Variants in TBC1D7 observed in about 807,000 individuals in gnomAD.
The protein encoded by TBC1D7 is TBC1 domain family member 7, also known as TBC domain family 7.
In TBC1D7, 33 loss-of-function variants were observed where a neutral mutation model predicts 35.3. That is an observed-to-expected ratio of 0.93 (90% CI 0.71 to 1.25). The LOEUF (loss-of-function observed/expected upper bound fraction) is 1.25, where lower values mean the gene tolerates loss of function less well. TBC1D7 is among the 50% of genes most tolerant of loss of function. The probability of loss-of-function intolerance (pLI) is 0.00; values close to 1 mark genes in which losing one functional copy is unlikely to be tolerated. For synonymous variants in TBC1D7, 135 were observed against 129.5 expected (o/e 1.04, Z -0.29); for missense variants, 362 against 365.3 (o/e 0.99, Z 0.07).
Position 13,328,470 on chromosome 6 carries a change from C to G in TBC1D7, c.-183G>C, listed in dbSNP as rs1441697843. On this transcript the variant is annotated 5_prime_UTR_variant, in exon 1 of 8. Transcript: ENST00000379300. ...CGGCGGGGTACCTGGGACACCCGCG[C>G]GCGCCCAGACGGCCCGGGAGACAAA... The G allele has an allele frequency of 6.7e-6, 1 of 150,304 alleles. No individual in the cohort carries two copies. Among genetic ancestry groups the G allele is most frequent in the Non-Finnish European group, 1.5e-5 (1 of 66,410 alleles). 9.3% of individuals were successfully genotyped at this position (150,304 alleles called of 1,614,324 possible).
chr6:13,317,864 G>A (rs1240881481), intron 4 of TBC1D7, among the ~76,000 whole-genome samples: 1 of 152,252 alleles, frequency 6.6e-6, no homozygotes, highest in Non-Finnish European at 1.5e-5. Flanking sequence ...TGGGCGCTAA[G>A]TAGGTGCTAC....
intron 5 of TBC1D7, among the ~76,000 whole-genome samples, 162 bp downstream of exon 5, chr6:13,316,409 G>A (rs560098220): frequency 1.3e-5 from 2 of 152,232 alleles, no homozygotes; most frequent in Admixed American, 1.3e-4. Context: ...CACCAAGCTG[G>A]AAATATTTAG....
intron 4 of TBC1D7, chr6:13,319,242 C>T (rs1238233709): frequency 6.6e-6 from 1 of 152,140 alleles, no homozygotes; most frequent in Non-Finnish European, 1.5e-5. Flanking sequence ...GGTGAATCAC[C>T]TGAGGTCGGG....
chr6:13,311,794 T>C (rs1783231664), intron 5 of TBC1D7, among the ~76,000 whole-genome samples: 1 of 152,122 alleles, frequency 6.6e-6, no homozygotes, highest in African/African-American at 2.4e-5. Flanking sequence ...CAAGACATTT[T>C]TGAAAAAGAG....
rs568411642 is a variant in TBC1D7, at chr6:13,311,072, A to T, written c.520-3327T>A. Among the ~76,000 whole-genome samples the T allele has an allele frequency of 4.6e-5, 7 of 152,246 alleles. No individual in the cohort carries two copies. In the South Asian group the frequency reaches 1.2e-3, roughly 27 times the overall value. ...CATCATCAACAGAAGGCAAAACGTGACAAAAATATGTACTTAATCACTCTG... is the reference window on the plus strand; with the variant it reads ...CATCATCAACAGAAGGCAAAACGTGTCAAAAATATGTACTTAATCACTCTG... On this transcript the variant is annotated intron_variant, in intron 5 of 7. Transcript: ENST00000379300.
chr6:13,320,828 C>A (rs762899582), intron 4 of TBC1D7, 80 bp downstream of exon 4: 1 of 1,438,524 alleles, frequency 7.0e-7, no homozygotes, highest in Admixed American at 1.7e-5. Flanking sequence ...GTTTTTAAGG[C>A]AAAACATGAT....
At position 13,321,053 on chromosome 6, in the gene TBC1D7, A is replaced by T. The variant is rs760773849; in HGVS notation, c.236T>A (p.Met79Lys). ...ATCCAAGTACTGCTCCTTACGATAC[A>T]TCATCACCTTGGCATGGGACTCGTG... is the stretch of plus-strand genomic sequence containing the variant. The part of the protein sequence containing the change: ...PHHESHAKVM[M>K]YRKEQYLDVL... Residue 79 changes from methionine (M) to lysine (K), a missense_variant, in exon 4 of 8, where the codon ATG (methionine) becomes AAG (lysine). Coordinates refer to ENST00000379300, the MANE Select transcript of TBC1D7 (RefSeq NM_016495.6). The T allele has an allele frequency of 1.2e-6, 2 of 1,614,138 alleles. No homozygotes were observed. Among genetic ancestry groups the T allele is most frequent in the East Asian group, 4.5e-5 (2 of 44,886 alleles).
At chr6:13,309,188 T>A (rs947967208) in intron 5 of TBC1D7, among the ~76,000 whole-genome samples, 1 of 152,238 alleles carries the variant, frequency 6.6e-6, no homozygotes, top group African/African-American at 2.4e-5. Flanking sequence ...AGGGGATATA[T>A]GCACTTTTTT....
intron 4 of TBC1D7, 63 bp downstream of exon 4, chr6:13,320,845 A>C (rs751586176): frequency 1.3e-6 from 2 of 1,540,734 alleles, no homozygotes; most frequent in Non-Finnish European, 1.8e-6. Flanking sequence ...TGATGTAATC[A>C]AAGGCCGGCA....
chr6:13,307,907 G>A lies in TBC1D7; in HGVS notation c.520-162C>T, dbSNP rs115589010. Among the ~76,000 whole-genome samples the A allele has an allele frequency of 8.2e-3, 1,247 of 152,288 alleles. 26 individuals are homozygous for A. The highest frequency in any genetic ancestry group is 0.029 in the African/African-American group (1,195 of 41,542). On this transcript the variant is annotated intron_variant, in intron 5 of 7. Transcript: ENST00000379300. ...CACTTGTGACACAGCAGTTTCCTAG[G>A]TCAGCCCTAACTAAAGTAACAAACC...
chr6:13,307,504 C>T, intron 6 of TBC1D7, 96 bp downstream of exon 6: 3 of 1,328,998 alleles, frequency 2.3e-6, no homozygotes, highest in South Asian at 2.6e-5. Flanking sequence ...CTGTATTGTT[C>T]TAAAGCAAAT....
chr6:13,321,985 C>T (rs2127540370), intron 3 of TBC1D7, among the ~76,000 whole-genome samples: 1 of 152,236 alleles, frequency 6.6e-6, no homozygotes, highest in Admixed American at 6.5e-5. Context: ...GCCTATAATC[C>T]CAGCACTTTG....
chr6:13,307,518 T>C, intron 6 of TBC1D7, 82 bp downstream of exon 6: 4 of 1,439,188 alleles, frequency 2.8e-6, no homozygotes, highest in Non-Finnish European at 3.8e-6. Context: ...AGCAAATTTA[T>C]AATCTGAGGG....
intron 5 of TBC1D7, among the ~76,000 whole-genome samples, chr6:13,313,944 G>C (rs1783409994): frequency 6.6e-6 from 1 of 152,214 alleles, no homozygotes; most frequent in Non-Finnish European, 1.5e-5. Context: ...CACATGTACA[G>C]TATAATACTA....
chr6:13,321,591 G>T (rs1784047354), intron 3 of TBC1D7, among the ~76,000 whole-genome samples: 1 of 152,138 alleles, frequency 6.6e-6, no homozygotes, highest in South Asian at 2.1e-4. Context: ...AATCTTCATT[G>T]GTGAGGTCAC....
At position 13,306,418 on chromosome 6, in the gene TBC1D7, T is replaced by C; in HGVS notation, c.775A>G (p.Ile259Val). The change falls in exon 7 of 8, where the codon ATA (isoleucine) becomes GTA (valine). Residue 259 changes from isoleucine to valine, a missense_variant. Transcript: ENST00000379300. ...KVMALNSAEK[I>V]TKFLENIPQD... Reference sequence around the variant, plus strand: ...CTTACATTTTCCAGAAACTTTGTTATCTTCTCTGCACTGTTCAGTGCCATA... The same window carrying C: ...CTTACATTTTCCAGAAACTTTGTTACCTTCTCTGCACTGTTCAGTGCCATA... 1 of 1,582,334 alleles carries C rather than the reference T, an allele frequency of 6.3e-7. No homozygotes were observed. Among genetic ancestry groups the C allele is most frequent in the Non-Finnish European group, 8.5e-7 (1 of 1,171,222 alleles).
At chr6:13,315,656 G>A (rs751151103) in intron 5 of TBC1D7, among the ~76,000 whole-genome samples, 2 of 152,234 alleles carry the variant, frequency 1.3e-5, no homozygotes, top group Admixed American at 6.5e-5. Context: ...GGCAGAGGTT[G>A]CAGTGAGCCG....
intron 3 of TBC1D7, among the ~76,000 whole-genome samples, chr6:13,321,980 T>C (rs1228501857): frequency 1.3e-5 from 2 of 152,204 alleles, no homozygotes; most frequent in African/African-American, 4.8e-5. Context: ...CTAACGCCTA[T>C]AATCCCAGCA....
chr6:13,321,989 C>T (rs1784074789), intron 3 of TBC1D7, among the ~76,000 whole-genome samples: 1 of 152,204 alleles, frequency 6.6e-6, no homozygotes, highest in Admixed American at 6.5e-5. Flanking sequence ...ATAATCCCAG[C>T]ACTTTGAGAG....
Sources: allele counts gnomAD v4.1 joint callset (sites outside exome capture counted in the v4.1 genomes callset), GRCh38; gene constraint gnomAD v4.1.1; transcripts MANE v1.5; gene names NCBI Gene and HGNC (gene_info 2026-07-23, HGNC 2026-07-21).